The following OLFM3 variants were observed in gnomAD, a reference collection of about 807,000 sequenced individuals.
OLFM3 encodes the protein olfactomedin 3, also known as noelin-3.
OLFM3 carries 20 observed loss-of-function variants against 48.6 expected under a neutral mutation model. That is an observed-to-expected ratio of 0.41 (90% confidence interval 0.29 to 0.60). The LOEUF (loss-of-function observed/expected upper bound fraction) is 0.60, where lower values mean the gene tolerates loss of function less well. OLFM3 is among the 20% of genes least tolerant of loss of function. The pLI, the probability that OLFM3 is intolerant of heterozygous loss-of-function variation, is 0.28. For synonymous variants in OLFM3, 222 were observed against 198.1 expected (o/e 1.12, Z -1.01); for missense variants, 437 against 544.3 (o/e 0.80, Z 1.96).
chr1:101,923,284 C>A (rs1016480514), intron 1 of OLFM3, among the ~76,000 whole-genome samples: 3 of 152,154 alleles, frequency 2.0e-5, no homozygotes, highest in Admixed American at 6.5e-5. Context: ...TATTTGCTCC[C>A]GAATATAATA....
At chr1:101,874,220 T>G (rs1657202242) in intron 1 of OLFM3, among the ~76,000 whole-genome samples, 2 of 151,888 alleles carry the variant, frequency 1.3e-5, no homozygotes, top group African/African-American at 4.8e-5. Context: ...ATTGATTATA[T>G]TTTGGATGAT....
chr1:101,935,801 A>G (rs1005338372), intron 1 of OLFM3, among the ~76,000 whole-genome samples: 7 of 152,170 alleles, frequency 4.6e-5, no homozygotes, highest in Admixed American at 4.6e-4. Context: ...CTTTAACCCT[A>G]GGATACAAGA....
At chr1:101,866,502 C>T (rs72987962) in intron 1 of OLFM3, among the ~76,000 whole-genome samples, 1,768 of 151,846 alleles carry the variant, frequency 0.012, 18 homozygotes, top group African/African-American at 0.025. Flanking sequence ...TTCATAAAAG[C>T]GTAAGTAGTT....
At chr1:101,880,994 G>GA (rs1292982935) in intron 1 of OLFM3, among the ~76,000 whole-genome samples, 4 of 151,798 alleles carry the variant, frequency 2.6e-5, no homozygotes, top group Non-Finnish European at 5.9e-5. Flanking sequence ...TAAGCTATCT[G>GA]AAAAATAAAA....
At position 101,804,987 on chromosome 1, in the gene OLFM3, G is replaced by A; in HGVS notation, c.700-72C>T. 1 of 1,176,658 alleles carries A rather than the reference G, an allele frequency of 8.5e-7. No individual in the cohort carries two copies. The highest frequency in any genetic ancestry group is 1.2e-6 in the Non-Finnish European group (1 of 838,398). The allele number at this position is 1,176,658 out of a possible 1,614,324, so 72.9% of individuals were successfully genotyped here. A position where few individuals can be genotyped will look rare whatever the true frequency, so the allele number is the denominator to read the frequency against. On this transcript the variant is annotated intron_variant, in intron 5 of 5. Coordinates refer to ENST00000370103, the MANE Select transcript of OLFM3 (RefSeq NM_058170.4). This position sits in a 1 kb window ranked among gnomAD's most constrained non-coding sequence, Gnocchi z 4.5. ...TTCTGATAACCCCAAAAGAAAGACA[G>A]TGAGAGTCAACACTTATTATAATTC...
At chr1:101,860,788 G>T (rs996947746) in intron 1 of OLFM3, among the ~76,000 whole-genome samples, 2 of 151,958 alleles carry the variant, frequency 1.3e-5, no homozygotes, top group Admixed American at 1.3e-4. Context: ...AGGCAATAAG[G>T]GATACTTTAG....
chr1:101,840,433 G>C (rs78572882), intron 1 of OLFM3, among the ~76,000 whole-genome samples: 1,949 of 151,850 alleles, frequency 0.013, 41 homozygotes, highest in African/African-American at 0.044. Context: ...TGCCTTTTAG[G>C]CAGACCTGGG....
At chr1:101,811,480 C>A (rs1011598562) in intron 4 of OLFM3, among the ~76,000 whole-genome samples, 8 of 152,046 alleles carry the variant, frequency 5.3e-5, no homozygotes, top group Admixed American at 1.3e-4. Context: ...GGAACTCAAA[C>A]AAATTTACAA....
intron 1 of OLFM3, among the ~76,000 whole-genome samples, chr1:101,909,059 GCTTAC>G (rs1306903853): frequency 6.6e-6 from 1 of 152,142 alleles, no homozygotes; most frequent in Non-Finnish European, 1.5e-5. Flanking sequence ...CCTTCACTTT[GCTTAC>G]CTTCTTTCTT....
intron 1 of OLFM3, among the ~76,000 whole-genome samples, chr1:101,851,851 A>G (rs1051522188): frequency 6.6e-6 from 1 of 152,144 alleles, no homozygotes; most frequent in Non-Finnish European, 1.5e-5. Context: ...GTTTTGGACA[A>G]TCATGCATAA....
chr1:101,871,403 A>T (rs1657079489), intron 1 of OLFM3, among the ~76,000 whole-genome samples: 1 of 152,148 alleles, frequency 6.6e-6, no homozygotes, highest in South Asian at 2.1e-4. Flanking sequence ...ACTGTAAACA[A>T]AATTATAATA....
intron 1 of OLFM3, among the ~76,000 whole-genome samples, chr1:101,989,275 C>T (rs904669130): frequency 6.6e-6 from 1 of 152,062 alleles, no homozygotes; most frequent in Non-Finnish European, 1.5e-5. Context: ...AGGCATAGCT[C>T]TGTGATACAT....
At chr1:101,810,586 A>C (rs1160548275) in intron 4 of OLFM3, among the ~76,000 whole-genome samples, 2 of 151,986 alleles carry the variant, frequency 1.3e-5, no homozygotes, top group Non-Finnish European at 2.9e-5. Context: ...CCTTTTGAAA[A>C]ATCATTTCCA....
chr1:101,896,660 G>C (rs1658215118), intron 1 of OLFM3, among the ~76,000 whole-genome samples: 1 of 132,852 alleles, frequency 7.5e-6, no homozygotes, highest in South Asian at 2.4e-4. Context: ...ACGCCCGGCT[G>C]ATTTTTTGTA....
chr1:101,937,287 G>A (rs1405182327), intron 1 of OLFM3, among the ~76,000 whole-genome samples: 1 of 152,132 alleles, frequency 6.6e-6, no homozygotes, highest in Non-Finnish European at 1.5e-5. Context: ...GTCTATTCCA[G>A]CTGAAGTGAC....
chr1:101,950,370 T>C (rs1325081628), intron 1 of OLFM3, among the ~76,000 whole-genome samples: 1 of 152,124 alleles, frequency 6.6e-6, no homozygotes, highest in Admixed American at 6.5e-5. Flanking sequence ...CTTTACCCTT[T>C]ATCCCTTGAT....
rs185377157 is a variant in OLFM3 at position 101,969,575 on chromosome 1, A to G, written c.69+27173T>C. ...ACTTTTTCCTCTATTTAAATAATCA[A>G]TTTTCTTCCTGTGTTATTCAGACTT... On this transcript the variant is annotated intron_variant, in intron 1 of 5. Transcript: ENST00000370103. 3.5e-3 allele frequency among the ~76,000 whole-genome samples: 536 copies of G among 152,168 alleles called. 2 individuals carry two copies. Among genetic ancestry groups the G allele is most frequent in the African/African-American group, 0.012 (514 of 41,506 alleles).
intron 1 of OLFM3, among the ~76,000 whole-genome samples, chr1:101,864,286 G>A (rs918857410): frequency 1.6e-4 from 25 of 151,958 alleles, no homozygotes; most frequent in African/African-American, 5.6e-4. Flanking sequence ...CTGCAGTTAC[G>A]TAGTCCTTTA....
At chr1:101,914,607 G>A (rs1004917068) in intron 1 of OLFM3, among the ~76,000 whole-genome samples, 1 of 152,174 alleles carries the variant, frequency 6.6e-6, no homozygotes, top group South Asian at 2.1e-4. Context: ...CAACATAGAT[G>A]TTACTTCTAA....
Sources: allele counts gnomAD v4.1 joint callset (sites outside exome capture counted in the v4.1 genomes callset), GRCh38; gene constraint gnomAD v4.1.1; non-coding constraint Gnocchi (gnomAD v3.1); transcripts MANE v1.5; gene names NCBI Gene and HGNC (gene_info 2026-07-23, HGNC 2026-07-21).